The following XIRP2 variants were observed in gnomAD, a reference collection of about 807,000 sequenced individuals.
XIRP2 encodes xin actin-binding repeat-containing protein 2.
A neutral mutation model predicts 277.0 loss-of-function variants in XIRP2; 236 were observed. The observed-to-expected ratio is 0.85, with a 90% confidence interval of 0.77 to 0.95. The LOEUF is 0.95. Ranked by LOEUF, XIRP2 falls within the 40% of genes least tolerant of loss-of-function variation. XIRP2 has a pLI of 0.00. For synonymous variants in XIRP2, 1,490 were observed against 1,416.5 expected (o/e 1.05, Z -1.17); for missense variants, 4,640 against 4,157.5 (o/e 1.12, Z -3.19).
intron 2 of XIRP2, among the ~76,000 whole-genome samples, chr2:166,981,899 A>T (rs185804707): frequency 4.6e-5 from 7 of 152,358 alleles, no homozygotes; most frequent in Admixed American, 2.0e-4. Flanking sequence ...TTTAAATAAG[A>T]TGAAAACATA....
chr2:167,087,062 A>G (rs970027093), intron 2 of XIRP2, among the ~76,000 whole-genome samples: 12 of 150,668 alleles, frequency 8.0e-5, no homozygotes, highest in African/African-American at 2.9e-4. Context: ...TTTTTTCCCC[A>G]TCTTTGTGGT....
In XIRP2 at chr2:167,257,914, A is replaced by G. The variant is rs139881474; in HGVS notation, c.*97A>G. 72 of 1,611,334 alleles carry G rather than the reference A, an allele frequency of 4.5e-5. No homozygotes were observed. In the East Asian group the frequency reaches 1.5e-3, roughly 34 times the overall value. On this transcript the variant is annotated 3_prime_UTR_variant, in exon 11 of 11. Transcript: ENST00000409195. The stretch of plus-strand genomic sequence containing the variant: ...TATACTGTAAACCTCACTTTAAACA[A>G]CTTTTCAAATCCAAAGGAAATTATG...
intron 2 of XIRP2, among the ~76,000 whole-genome samples, chr2:167,010,564 G>T (rs1393979675): frequency 6.6e-6 from 1 of 152,022 alleles, no homozygotes; most frequent in African/African-American, 2.4e-5. Flanking sequence ...CTCTTTTTTG[G>T]TTCCATATGA....
intron 2 of XIRP2, among the ~76,000 whole-genome samples, chr2:166,909,855 A>G (rs191530809): frequency 2.5e-4 from 38 of 152,350 alleles, no homozygotes; most frequent in African/African-American, 7.9e-4. Context: ...CCTTTTCTGC[A>G]TCTGTTCAGA....
intron 3 of XIRP2, among the ~76,000 whole-genome samples, chr2:167,151,463 C>CA (rs1692013454): frequency 6.6e-6 from 1 of 151,968 alleles, no homozygotes; most frequent in Non-Finnish European, 1.5e-5. Flanking sequence ...TTCAAAAACA[C>CA]AAAAAATAAA....
chr2:167,041,626 G>GA (rs1364338860), intron 2 of XIRP2, among the ~76,000 whole-genome samples: 9 of 151,694 alleles, frequency 5.9e-5, no homozygotes, highest in Non-Finnish European at 1.2e-4. Context: ...CAAAAATAAA[G>GA]AAAAAATAAC....
chr2:167,174,938 G>A (rs1461081916), intron 3 of XIRP2, among the ~76,000 whole-genome samples: 1 of 152,104 alleles, frequency 6.6e-6, no homozygotes, highest in Non-Finnish European at 1.5e-5. Context: ...ATTGCACTGT[G>A]GTCTGAGAGA....
At chr2:166,911,226 C>T (rs1422485707) in intron 2 of XIRP2, among the ~76,000 whole-genome samples, 5 of 152,078 alleles carry the variant, frequency 3.3e-5, no homozygotes, top group Admixed American at 2.0e-4. Flanking sequence ...TAAAGTCTCC[C>T]ATTATTATTG....
intron 2 of XIRP2, among the ~76,000 whole-genome samples, chr2:167,084,313 T>G (rs1170507881): frequency 7.2e-5 from 11 of 152,184 alleles, no homozygotes; most frequent in African/African-American, 1.9e-4. Flanking sequence ...GGTGGATAAG[T>G]TTTTTGATGT....
intron 2 of XIRP2, among the ~76,000 whole-genome samples, chr2:167,106,939 G>T (rs941237894): frequency 3.3e-4 from 50 of 150,686 alleles, no homozygotes; most frequent in Middle Eastern, 3.2e-3. Context: ...AAATGATATT[G>T]TATTATTAAT....
chr2:167,153,858 G>A lies in XIRP2; in HGVS notation c.562+17796G>A, dbSNP rs13030199. 2.9e-3 allele frequency among the ~76,000 whole-genome samples: 444 copies of A among 150,696 alleles called. 5 individuals carry two copies. The highest frequency in any genetic ancestry group is 9.5e-3 in the African/African-American group (387 of 40,708). ...AGTCTTTGCTATTGTGAATAGTGCC[G>A]CAATAAACATACATGTGCATGTGTC... On this transcript the variant is annotated intron_variant, in intron 3 of 10. Coordinates refer to ENST00000409195, the MANE Select transcript of XIRP2 (RefSeq NM_152381.6).
At chr2:166,995,247 T>C (rs1039065982) in intron 2 of XIRP2, among the ~76,000 whole-genome samples, 23 of 152,200 alleles carry the variant, frequency 1.5e-4, no homozygotes, top group African/African-American at 5.5e-4. Context: ...TGTATGTACA[T>C]TGTAGAAATA....
At chr2:166,966,529 T>C (rs1686438326) in intron 2 of XIRP2, among the ~76,000 whole-genome samples, 1 of 151,960 alleles carries the variant, frequency 6.6e-6, no homozygotes, top group Non-Finnish European at 1.5e-5. Context: ...CAGGGACCTC[T>C]GCCAAAGATA....
chr2:167,091,476 T>A (rs988480880), intron 2 of XIRP2, among the ~76,000 whole-genome samples: 4 of 152,156 alleles, frequency 2.6e-5, no homozygotes, highest in African/African-American at 9.7e-5. Flanking sequence ...AACCATCATA[T>A]TAAATACTTA....
chr2:167,154,629 T>G (rs1048517202), intron 3 of XIRP2, among the ~76,000 whole-genome samples: 2 of 152,138 alleles, frequency 1.3e-5, no homozygotes, highest in Admixed American at 1.3e-4. Flanking sequence ...TACATATGGC[T>G]AGCCAGTTTT....
At chr2:167,119,695 A>G (rs1020614836) in intron 2 of XIRP2, among the ~76,000 whole-genome samples, 14 of 152,244 alleles carry the variant, frequency 9.2e-5, no homozygotes, top group African/African-American at 3.4e-4. Flanking sequence ...CAATTGCTCT[A>G]AAGACTACAG....
At chr2:167,020,261 T>A (rs1687943416) in intron 2 of XIRP2, among the ~76,000 whole-genome samples, 1 of 152,014 alleles carries the variant, frequency 6.6e-6, no homozygotes. Flanking sequence ...AGGCCAAAGT[T>A]TATGAATGAA....
At chr2:166,983,158 A>C (rs961581097) in intron 2 of XIRP2, among the ~76,000 whole-genome samples, 1 of 152,116 alleles carries the variant, frequency 6.6e-6, no homozygotes, top group Non-Finnish European at 1.5e-5. Flanking sequence ...GGTTTTTAAA[A>C]AGTTTTTTTC....
At chr2:166,970,834 A>G (rs766108479) in intron 2 of XIRP2, among the ~76,000 whole-genome samples, 59 of 152,096 alleles carry the variant, frequency 3.9e-4, no homozygotes, top group African/African-American at 1.4e-3. Flanking sequence ...TCAAATAAAT[A>G]TACTATCATA....
Sources: gnomAD v4.1 joint callset for allele counts (sites outside exome capture counted in the v4.1 genomes callset) on GRCh38, gnomAD v4.1.1 for gene constraint, MANE v1.5 for transcripts, NCBI Gene and HGNC (gene_info 2026-07-23, HGNC 2026-07-21) for gene names.